Variants in CDKAL1 observed in about 807,000 individuals in gnomAD.
The protein encoded by CDKAL1 is CDKAL1 threonylcarbamoyladenosine tRNA methylthiotransferase.
CDKAL1 carries 32 observed loss-of-function variants against 68.2 expected under a neutral mutation model. That is an observed-to-expected ratio of 0.47 (90% CI 0.35 to 0.63). The LOEUF (loss-of-function observed/expected upper bound fraction) is 0.63. Ranked by LOEUF, CDKAL1 falls within the 30% of genes least tolerant of loss-of-function variation. CDKAL1 has a pLI of 0.00. For synonymous variants in CDKAL1, 234 were observed against 244.3 expected (o/e 0.96, Z 0.39); for missense variants, 606 against 696.7 (o/e 0.87, Z 1.47).
intron 5 of CDKAL1, among the ~76,000 whole-genome samples, chr6:20,674,680 T>C (rs1158980892): frequency 2.0e-5 from 3 of 152,168 alleles, no homozygotes; most frequent in African/African-American, 7.2e-5. Flanking sequence ...CACTAGAACT[T>C]ATTCCTCCTG....
chr6:21,023,654 A>G (rs1218678562), intron 11 of CDKAL1, among the ~76,000 whole-genome samples: 5 of 152,122 alleles, frequency 3.3e-5, no homozygotes, highest in Non-Finnish European at 5.9e-5. Context: ...TCTAATGACT[A>G]TTTTGTCTTC....
intron 4 of CDKAL1, among the ~76,000 whole-genome samples, chr6:20,625,776 T>C (rs1432796725): frequency 6.6e-6 from 1 of 152,128 alleles, no homozygotes; most frequent in African/African-American, 2.4e-5. Flanking sequence ...GTAAAGATTA[T>C]AGATTATCAT....
chr6:20,937,168 A>C (rs917261021), intron 9 of CDKAL1, among the ~76,000 whole-genome samples: 1 of 152,042 alleles, frequency 6.6e-6, no homozygotes, highest in Non-Finnish European at 1.5e-5. Context: ...AGCTCACTGC[A>C]GCCTTGACCT....
intron 5 of CDKAL1, among the ~76,000 whole-genome samples, chr6:20,650,351 A>C (rs1226838029): frequency 6.6e-6 from 1 of 152,152 alleles, no homozygotes; most frequent in African/African-American, 2.4e-5. Context: ...TTTTTGCTGC[A>C]TAAATGTCTT....
At chr6:21,042,194 A>G (rs1404187115) in intron 11 of CDKAL1, among the ~76,000 whole-genome samples, 1 of 152,124 alleles carries the variant, frequency 6.6e-6, no homozygotes, top group South Asian at 2.1e-4. Context: ...TCTCTTACAA[A>G]TTAAATACAT....
intron 5 of CDKAL1, among the ~76,000 whole-genome samples, chr6:20,684,491 T>A (rs1770528188): frequency 1.3e-5 from 2 of 152,166 alleles, no homozygotes; most frequent in Non-Finnish European, 2.9e-5. Context: ...GTGCAGTTTT[T>A]ATATGGACAT....
At chr6:21,149,712 C>T (rs752468710) in intron 13 of CDKAL1, among the ~76,000 whole-genome samples, 1 of 152,128 alleles carries the variant, frequency 6.6e-6, no homozygotes, top group African/African-American at 2.4e-5. Flanking sequence ...CACTGAGAGA[C>T]AGTAAAGAAG....
At chr6:20,633,837 A>G (rs1048176616) in intron 4 of CDKAL1, among the ~76,000 whole-genome samples, 1 of 152,156 alleles carries the variant, frequency 6.6e-6, no homozygotes, top group South Asian at 2.1e-4. Context: ...AGAAATGTCT[A>G]TTCAGATCTC....
chr6:20,899,299 G>A (rs1041623629), intron 9 of CDKAL1, among the ~76,000 whole-genome samples: 2 of 151,832 alleles, frequency 1.3e-5, no homozygotes, highest in African/African-American at 2.4e-5. Context: ...TCTTGACCTC[G>A]TGATCCACCT....
At chr6:21,048,485 T>G (rs1054155833) in intron 11 of CDKAL1, among the ~76,000 whole-genome samples, 7 of 152,336 alleles carry the variant, frequency 4.6e-5, no homozygotes, top group African/African-American at 1.7e-4. Flanking sequence ...TCTCACTTGC[T>G]TGCTCTGTGT....
intron 14 of CDKAL1, 190 bp from the exon 15 acceptor site, chr6:21,200,920 T>A (rs188021370): frequency 4.4e-6 from 2 of 458,042 alleles, no homozygotes; most frequent in Admixed American, 3.6e-5. Flanking sequence ...AATATTAATA[T>A]ATCAATTTGG....
At chr6:20,743,896 G>A (rs1204362607) in intron 6 of CDKAL1, among the ~76,000 whole-genome samples, 1 of 152,142 alleles carries the variant, frequency 6.6e-6, no homozygotes. Context: ...TGAATAAAAA[G>A]TTTTAGCCAA....
Position 21,231,117 on chromosome 6 carries a change from C to A in CDKAL1, c.*78C>A. 8.5e-7 allele frequency: 1 copy of A among 1,180,954 alleles called. No homozygotes were observed. The highest frequency in any genetic ancestry group is 1.6e-5 in the South Asian group (1 of 61,992). 73.2% of individuals were successfully genotyped at this position (1,180,954 alleles called of 1,614,324 possible). On this transcript the variant is annotated 3_prime_UTR_variant, in exon 16 of 16. Coordinates refer to ENST00000274695, the MANE Select transcript of CDKAL1 (RefSeq NM_017774.3). The stretch of plus-strand genomic sequence containing the variant: ...TTCAATGAACAGGAAAGCGACATCT[C>A]CATTCTCCAAGGGCAATAATTTGTA...
chr6:21,137,166 A>AGACTG (rs1311241691), intron 13 of CDKAL1, among the ~76,000 whole-genome samples: 4 of 152,228 alleles, frequency 2.6e-5, no homozygotes, highest in African/African-American at 9.6e-5. Context: ...AAGGTCACCA[A>AGACTG]GACTCATCAG....
chr6:20,860,000 C>A (rs1359531444), intron 9 of CDKAL1, among the ~76,000 whole-genome samples: 1 of 152,176 alleles, frequency 6.6e-6, no homozygotes, highest in Non-Finnish European at 1.5e-5. Context: ...CTTTGACCAC[C>A]TTTTTGAAGG....
chr6:20,756,846 T>C (rs1561749877), intron 6 of CDKAL1: 1 of 138,090 alleles, frequency 7.2e-6, no homozygotes, highest in African/African-American at 3.0e-5. Context: ...CTTTCTTCCT[T>C]CCTTCTCCCC....
At chr6:21,116,356 G>GATTAATATTGTATT (rs1774411830) in intron 13 of CDKAL1, among the ~76,000 whole-genome samples, 1 of 152,124 alleles carries the variant, frequency 6.6e-6, no homozygotes, top group South Asian at 2.1e-4. Context: ...CTTTTATTAT[G>GATTAATATTGTATT]ATGATTAATA....
chr6:21,158,122 T>C (rs1343172241), intron 13 of CDKAL1, among the ~76,000 whole-genome samples: 1 of 152,242 alleles, frequency 6.6e-6, no homozygotes, highest in Non-Finnish European at 1.5e-5. Flanking sequence ...ATAACATATA[T>C]GAATATGGTA....
At chr6:21,169,691 C>T (rs1777295559) in intron 13 of CDKAL1, among the ~76,000 whole-genome samples, 1 of 152,120 alleles carries the variant, frequency 6.6e-6, no homozygotes, top group African/African-American at 2.4e-5. Context: ...TGTTCTCATG[C>T]TGCTAATAAA....
Sources: gnomAD v4.1 joint callset for allele counts (sites outside exome capture counted in the v4.1 genomes callset) on GRCh38, gnomAD v4.1.1 for gene constraint, MANE v1.5 for transcripts, NCBI Gene and HGNC (gene_info 2026-07-23, HGNC 2026-07-21) for gene names.